SLC44A5: variants seen among roughly 807,000 people sequenced by gnomAD.
SLC44A5 encodes choline transporter-like protein 5.
A neutral mutation model predicts 101.8 loss-of-function variants in SLC44A5; 57 were observed. That is an observed-to-expected ratio of 0.56 (90% CI 0.45 to 0.70). The LOEUF (loss-of-function observed/expected upper bound fraction) is 0.70, where lower values mean the gene tolerates loss of function less well. Ranked by LOEUF, SLC44A5 falls within the 30% of genes least tolerant of loss-of-function variation. SLC44A5 has a pLI of 0.00. For missense variants in SLC44A5, 737 were observed against 853.1 expected (o/e 0.86, Z 1.70); for synonymous variants, 281 against 290.9 (o/e 0.97, Z 0.35).
the SLC44A5 span, among the ~76,000 whole-genome samples, chr1:75,717,272 C>T: frequency 1.0e-4 from 15 of 149,454 alleles, no homozygotes; most frequent in African/African-American, 3.2e-4. Context: ...ATCTCGGAGA[C>T]GGAGGTTGCA....
rs968032137 is a variant in SLC44A5, at chr1:75,476,182, C to CA, written c.13+65252dup. Among the ~76,000 whole-genome samples the CA allele has an allele frequency of 1.3e-3, 180 of 142,588 alleles. 1 individual carries two copies. Among genetic ancestry groups the CA allele is most frequent in the African/African-American group, 4.0e-3 (156 of 38,830 alleles). The allele number at this position is 142,588 out of a possible 152,430, so 93.5% of individuals were successfully genotyped here. A position where few individuals can be genotyped will look rare whatever the true frequency, so the allele number is the denominator to read the frequency against. On this transcript the variant is annotated intron_variant, in intron 2 of 23. Coordinates refer to ENST00000370859, the MANE Select transcript of SLC44A5 (RefSeq NM_001130058.2). The stretch of plus-strand genomic sequence containing the variant: ...TGGGAGACAGAAAGAGATTCTGTAT[C>CA]AAAAAAAAAAGTATATATATATATA...
chr1:75,690,122 A>G, the SLC44A5 span, among the ~76,000 whole-genome samples: 7 of 152,172 alleles, frequency 4.6e-5, no homozygotes, highest in African/African-American at 1.7e-4. Context: ...ACTGCTATAA[A>G]GATACTACTG....
the SLC44A5 span, among the ~76,000 whole-genome samples, chr1:75,640,858 G>A: frequency 3.3e-5 from 5 of 152,154 alleles, no homozygotes; most frequent in African/African-American, 1.2e-4. Flanking sequence ...GCCTTCTGAG[G>A]AAACTAAAGG....
chr1:75,600,378 T>A (rs1674900655), intron 1 of SLC44A5, among the ~76,000 whole-genome samples: 1 of 152,164 alleles, frequency 6.6e-6, no homozygotes, highest in Non-Finnish European at 1.5e-5. Flanking sequence ...TTCCAAAACT[T>A]TTTCAATGTC....
chr1:75,531,134 G>A (rs1424926511), intron 2 of SLC44A5, among the ~76,000 whole-genome samples: 1 of 152,132 alleles, frequency 6.6e-6, no homozygotes, highest in Non-Finnish European at 1.5e-5. Context: ...TGTAGAAGCA[G>A]CTACACAACA....
At chr1:75,341,259 G>T (rs567674834) in intron 3 of SLC44A5, among the ~76,000 whole-genome samples, 1 of 152,270 alleles carries the variant, frequency 6.6e-6, no homozygotes, top group African/African-American at 2.4e-5. Context: ...CTAGCACTTT[G>T]AAAAGCCAAG....
chr1:75,249,420 T>G (rs958504811), intron 7 of SLC44A5, among the ~76,000 whole-genome samples: 18 of 152,052 alleles, frequency 1.2e-4, no homozygotes, highest in African/African-American at 3.9e-4. Context: ...CAACTGGAAG[T>G]GAGCTTCAAA....
intron 2 of SLC44A5, among the ~76,000 whole-genome samples, chr1:75,444,480 A>ACAG (rs1557790185): frequency 7.7e-6 from 1 of 129,112 alleles, no homozygotes; most frequent in Non-Finnish European, 1.7e-5. Context: ...AAAGAGAAAG[A>ACAG]AAGAAGAAAG....
the SLC44A5 span, among the ~76,000 whole-genome samples, chr1:75,659,443 G>GGGAGGGAGGGAGGGAA: frequency 1.5e-4 from 9 of 61,096 alleles, no homozygotes; most frequent in South Asian, 7.8e-4. Flanking sequence ...GAGGGAGGGA[G>GGGAGGGAGGGAGGGAA]GGAAGGAAGG....
In SLC44A5 at chr1:75,372,025, C is replaced by T. The variant is rs138403042; in HGVS notation, c.52+24558G>A. Among the ~76,000 whole-genome samples, 749 of 152,108 alleles carry T rather than the reference C, an allele frequency of 4.9e-3. 4 individuals carry two copies. Among genetic ancestry groups the T allele is most frequent in the African/African-American group, 0.017 (713 of 41,520 alleles). On this transcript the variant is annotated intron_variant, in intron 3 of 23. Coordinates refer to ENST00000370859, the MANE Select transcript of SLC44A5 (RefSeq NM_001130058.2). ...CAGCCTGGTCAATTTGGTGAAACCC[C>T]GTCCCTACTAAAAATACAAACATTA...
chr1:75,274,912 CAGTTT>C (rs1410775220), intron 6 of SLC44A5, 41 bp downstream of exon 6: 1 of 1,430,830 alleles, frequency 7.0e-7, no homozygotes, highest in South Asian at 1.2e-5. Context: ...ATCTAGGTTC[CAGTTT>C]AGACAGTAAA....
chr1:75,512,170 A>T (rs892721868), intron 2 of SLC44A5, among the ~76,000 whole-genome samples: 41 of 152,346 alleles, frequency 2.7e-4, no homozygotes, highest in African/African-American at 9.9e-4. Context: ...TACTTTAAGG[A>T]ATTATTTTAT....
intron 4 of SLC44A5, among the ~76,000 whole-genome samples, chr1:75,330,183 A>ATATACGTATATATGCATATC: frequency 7.6e-6 from 1 of 130,780 alleles, no homozygotes; most frequent in Non-Finnish European, 1.6e-5. Flanking sequence ...ATATGCATAT[A>ATATACGTATATATGCATATC]TATACGTATA....
At chr1:75,646,100 G>A in the SLC44A5 span, among the ~76,000 whole-genome samples, 4 of 135,090 alleles carry the variant, frequency 3.0e-5, 1 homozygote, top group African/African-American at 1.0e-4. Flanking sequence ...GCTTAGGATT[G>A]ACTTGGCAAT....
intron 1 of SLC44A5, among the ~76,000 whole-genome samples, chr1:75,553,327 T>G (rs538298722): frequency 1.3e-5 from 2 of 152,282 alleles, no homozygotes; most frequent in South Asian, 2.1e-4. Flanking sequence ...ATTACTAAAT[T>G]TTTTCATTGT....
chr1:75,439,918 A>G (rs540818746), intron 2 of SLC44A5, among the ~76,000 whole-genome samples: 58 of 152,284 alleles, frequency 3.8e-4, no homozygotes, highest in African/African-American at 1.3e-3. Context: ...ATACATAATG[A>G]GAAAATCTTA....
intron 2 of SLC44A5, among the ~76,000 whole-genome samples, chr1:75,415,278 G>A: frequency 6.6e-6 from 1 of 152,170 alleles, no homozygotes; most frequent in Non-Finnish European, 1.5e-5. Context: ...TTCCTATGCT[G>A]TTCTCATGAT....
At chr1:75,330,343 C>T (rs1202776168) in intron 4 of SLC44A5, among the ~76,000 whole-genome samples, 3 of 152,004 alleles carry the variant, frequency 2.0e-5, no homozygotes, top group Admixed American at 1.3e-4. Context: ...ACCATCACCA[C>T]TGCCACCACC....
chr1:75,464,291 T>C (rs931162179), intron 2 of SLC44A5, among the ~76,000 whole-genome samples: 3 of 146,116 alleles, frequency 2.1e-5, no homozygotes, highest in East Asian at 2.0e-4. Context: ...AGCTAAGGCA[T>C]AGAGTCTTTA....
Sources: gnomAD v4.1 joint callset for allele counts (sites outside exome capture counted in the v4.1 genomes callset) on GRCh38, gnomAD v4.1.1 for gene constraint, MANE v1.5 for transcripts, NCBI Gene and HGNC (gene_info 2026-07-23, HGNC 2026-07-21) for gene names.